C8A: variants seen among roughly 807,000 people sequenced by gnomAD.
C8A encodes complement component C8 alpha chain.
Under a neutral mutation model 65.3 loss-of-function variants are expected in C8A, and 67 were observed. That is an observed-to-expected ratio of 1.03 (90% CI 0.84 to 1.26). The LOEUF (loss-of-function observed/expected upper bound fraction) is 1.26, where lower values mean the gene tolerates loss of function less well. Among genes scored for constraint, C8A ranks in the 50% most tolerant of loss-of-function variants. The pLI is 0.00. For synonymous variants in C8A, 290 were observed against 259.4 expected (o/e 1.12, Z -1.13); for missense variants, 781 against 723.9 (o/e 1.08, Z -0.90).
Position 56,874,993 on chromosome 1 carries a change from C to T in C8A, c.216C>T (p.Thr72=), listed in dbSNP as rs1188050492. ...TGCAGCCAAACAAGTTTGGGGGAACCATCTGCAGTGGTGACATCTGGGATC... is the reference window on the plus strand; with the variant it reads ...TGCAGCCAAACAAGTTTGGGGGAACTATCTGCAGTGGTGACATCTGGGATC... ...SLLQPNKFGG[T]ICSGDIWDQA... The change falls in exon 3 of 11, where the codon ACC becomes ACT. Residue 72 remains threonine, a synonymous_variant. Transcript: ENST00000361249. 1 of 1,613,748 alleles carries T rather than the reference C, an allele frequency of 6.2e-7. No individual in the cohort carries two copies. The highest frequency in any genetic ancestry group is 1.7e-4 in the Middle Eastern group (1 of 6,048).
intron 4 of C8A, among the ~76,000 whole-genome samples, chr1:56,880,228 T>A (rs924966516): frequency 3.9e-5 from 6 of 152,124 alleles, no homozygotes; most frequent in Admixed American, 1.3e-4. Flanking sequence ...CTTGACATTA[T>A]TTTACCTGAA....
At chr1:56,881,768 T>C (rs1479963538) in intron 5 of C8A, 134 bp downstream of exon 5, 1 of 815,856 alleles carries the variant, frequency 1.2e-6, no homozygotes. Flanking sequence ...GTCTCCTTCA[T>C]ACCCATCCCC....
chr1:56,902,811 A>G (rs1644436674), intron 7 of C8A, among the ~76,000 whole-genome samples: 1 of 152,106 alleles, frequency 6.6e-6, no homozygotes, highest in Non-Finnish European at 1.5e-5. Context: ...ATTGTCACAT[A>G]TGGCAGGATT....
chr1:56,876,504 C>G (rs934998972), intron 4 of C8A, among the ~76,000 whole-genome samples: 2 of 151,918 alleles, frequency 1.3e-5, no homozygotes, highest in African/African-American at 4.8e-5. Flanking sequence ...GCCACAGCTT[C>G]CATGAAGCCT....
intron 7 of C8A, among the ~76,000 whole-genome samples, chr1:56,895,529 C>A (rs1644381579): frequency 6.6e-6 from 1 of 152,080 alleles, no homozygotes; most frequent in Admixed American, 6.6e-5. Flanking sequence ...AAACTTCAGA[C>A]CATAACCCAT....
At chr1:56,906,611 T>C (rs1455137455) in intron 7 of C8A, 56 bp from the exon 8 acceptor site, 52 of 1,607,050 alleles carry the variant, frequency 3.2e-5, no homozygotes, top group Non-Finnish European at 4.2e-5. Flanking sequence ...AGTTGTACCA[T>C]GTCAAGTGTC....
chr1:56,896,586 G>C (rs1208377927), intron 7 of C8A, among the ~76,000 whole-genome samples: 2 of 152,146 alleles, frequency 1.3e-5, no homozygotes, highest in African/African-American at 4.8e-5. Flanking sequence ...ACATTAGAAA[G>C]GGCAGTTTAC....
chr1:56,883,508 G>T lies in C8A; in HGVS notation c.682G>T (p.Glu228Ter). 6.2e-7 allele frequency: 1 copy of T among 1,613,452 alleles called. No homozygotes were observed. The change falls in exon 6 of 11, where the codon GAG (glutamate) becomes TAG (stop). Residue 228 changes from glutamate to a stop codon, truncating the protein, a stop_gained. Coordinates refer to ENST00000361249, the MANE Select transcript of C8A (RefSeq NM_000562.3). LOFTEE classifies it high-confidence loss of function. Reference sequence around the variant, plus strand: ...CCTGGCAGATACTGGAATCTCCTCAGAGTTTTATGATAATGCAAATGACCT... The same window carrying T: ...CCTGGCAGATACTGGAATCTCCTCATAGTTTTATGATAATGCAAATGACCT... ...EALADTGISS[E>*]FYDNANDLLS...
chr1:56,872,641 G>A (rs978454633), intron 2 of C8A, among the ~76,000 whole-genome samples: 1 of 152,020 alleles, frequency 6.6e-6, no homozygotes, highest in Non-Finnish European at 1.5e-5. Flanking sequence ...AAAGTGAGAT[G>A]AGAAGTCATT....
At chr1:56,910,147 T>C (rs1413274904) in intron 9 of C8A, among the ~76,000 whole-genome samples, 1 of 152,230 alleles carries the variant, frequency 6.6e-6, no homozygotes, top group Non-Finnish European at 1.5e-5. Context: ...AAACAGCATG[T>C]TATTCACTTG....
intron 7 of C8A, among the ~76,000 whole-genome samples, chr1:56,887,481 T>C (rs929608044): frequency 6.6e-6 from 1 of 152,202 alleles, no homozygotes; most frequent in Non-Finnish European, 1.5e-5. Context: ...TTCATATGCT[T>C]GTTGGCCACA....
intron 9 of C8A, among the ~76,000 whole-genome samples, chr1:56,910,588 G>A (rs1035175794): frequency 2.0e-5 from 3 of 152,206 alleles, no homozygotes; most frequent in Admixed American, 6.5e-5. Context: ...TCTTTGAGAA[G>A]GCCAACAGGG....
chr1:56,909,965 C>T (rs1053968222), intron 9 of C8A, among the ~76,000 whole-genome samples: 15 of 152,150 alleles, frequency 9.9e-5, no homozygotes, highest in Admixed American at 7.9e-4. Context: ...CTGAGAAGTT[C>T]GGACTCAATG....
rs765074031 is a variant in C8A, at chr1:56,883,494, C to T, written c.668C>T (p.Thr223Ile). ...LKYHFEALAD[T>I]GISSEFYDNA... ...TTTTTTTTTCAGGCCCTGGCAGATACTGGAATCTCCTCAGAGTTTTATGAT... is the reference window on the plus strand; with the variant it reads ...TTTTTTTTTCAGGCCCTGGCAGATATTGGAATCTCCTCAGAGTTTTATGAT... The change falls in exon 6 of 11, where the codon ACT (threonine) becomes ATT (isoleucine). Residue 223 changes from threonine to isoleucine, a missense_variant. Physicochemically the swap from Thr to Ile is moderately conservative, Grantham distance 89. Coordinates refer to ENST00000361249, the MANE Select transcript of C8A (RefSeq NM_000562.3). 6.2e-7 allele frequency: 1 copy of T among 1,612,760 alleles called. No individual in the cohort carries two copies.
rs536444120 is a variant in C8A, at chr1:56,857,497, T to G, written c.77+2519T>G. On this transcript the variant is annotated intron_variant, in intron 1 of 10. Transcript: ENST00000361249. ...TGTGTGCATGGCAAATCTTTTTCTA[T>G]TATTTTATTTTAACTTATATGACTA... 5.3e-5 allele frequency among the ~76,000 whole-genome samples: 8 copies of G among 152,142 alleles called. No homozygotes were observed. In the South Asian group the frequency reaches 1.7e-3, roughly 32 times the overall value.
intron 1 of C8A, among the ~76,000 whole-genome samples, chr1:56,858,308 A>G (rs1169602498): frequency 9.2e-5 from 14 of 152,198 alleles, no homozygotes. Flanking sequence ...CAATAACAAG[A>G]TAACTCAGAT....
chr1:56,910,508 T>C (rs889817707), intron 9 of C8A, among the ~76,000 whole-genome samples: 1 of 152,180 alleles, frequency 6.6e-6, no homozygotes, highest in African/African-American at 2.4e-5. Flanking sequence ...GGGAACTGGA[T>C]GCAGAGCCCC....
Position 56,907,867 on chromosome 1 carries a change from T to G in C8A, c.1223-89T>G. On this transcript the variant is annotated intron_variant, in intron 8 of 10. Transcript: ENST00000361249. ...AAACATCTAAGGAAAACATGTAAAC[T>G]TTCTTCCAAATCTCATTAGTGGGGT... 2.0e-6 allele frequency: 3 copies of G among 1,471,622 alleles called. No individual in the cohort carries two copies. The South Asian group carries it at 3.4e-5, about 17-fold the overall frequency. 91.2% of individuals were successfully genotyped at this position (1,471,622 alleles called of 1,614,324 possible).
intron 1 of C8A, among the ~76,000 whole-genome samples, chr1:56,857,493 T>C (rs1643988708): frequency 6.6e-6 from 1 of 152,024 alleles, no homozygotes; most frequent in South Asian, 2.1e-4. Context: ...CAAATCTTTT[T>C]CTATTATTTT....
Sources: gnomAD v4.1 joint callset for allele counts (sites outside exome capture counted in the v4.1 genomes callset) on GRCh38, gnomAD v4.1.1 for gene constraint, MANE v1.5 for transcripts, NCBI Gene and HGNC (gene_info 2026-07-23, HGNC 2026-07-21) for gene names.